Variants in RNF150 observed in about 807,000 individuals in gnomAD.
The protein encoded by RNF150 is ring finger protein 150.
In RNF150, 24 loss-of-function variants were observed where a neutral mutation model predicts 39.3. That is an observed-to-expected ratio of 0.61 (90% confidence interval 0.44 to 0.86). The LOEUF (loss-of-function observed/expected upper bound fraction) is 0.86. Ranked by LOEUF, RNF150 falls within the 40% of genes least tolerant of loss-of-function variation. RNF150 has a pLI of 0.00. For synonymous variants in RNF150, 255 were observed against 227.3 expected, an observed-to-expected ratio of 1.12 and a Z score of -1.10; for missense variants, 502 against 587.8, an observed-to-expected ratio of 0.85 and a Z score of 1.51.
At chr4:141,044,771 G>GCACACACA (rs71584391) in intron 1 of RNF150, among the ~76,000 whole-genome samples, 684 of 146,640 alleles carry the variant, frequency 4.7e-3, no homozygotes, top group East Asian at 0.022. Flanking sequence ...GGTGTGCAGC[G>GCACACACA]CACACACACA....
chr4:140,986,595 T>A (rs1270416715), intron 1 of RNF150, among the ~76,000 whole-genome samples: 1 of 152,036 alleles, frequency 6.6e-6, no homozygotes, highest in African/African-American at 2.4e-5. Flanking sequence ...GTTTATCAAT[T>A]TTAGACATTT....
intron 6 of RNF150, among the ~76,000 whole-genome samples, chr4:140,890,450 A>G (rs55688021): frequency 0.025 from 3,875 of 152,288 alleles, 62 homozygotes; most frequent in South Asian, 0.051. Flanking sequence ...TGTTCCCCCA[A>G]ATTCATATGT....
At chr4:141,024,234 T>C (rs1164308229) in intron 1 of RNF150, among the ~76,000 whole-genome samples, 5 of 152,078 alleles carry the variant, frequency 3.3e-5, no homozygotes, top group Non-Finnish European at 5.9e-5. Context: ...CACAGTGAAA[T>C]ACTGAATGAG....
intron 4 of RNF150, among the ~76,000 whole-genome samples, chr4:140,942,364 C>T (rs1732122269): frequency 6.6e-6 from 1 of 152,190 alleles, no homozygotes; most frequent in Non-Finnish European, 1.5e-5. Flanking sequence ...CAGTGCTGCT[C>T]TCTAATGCTG....
intron 5 of RNF150, among the ~76,000 whole-genome samples, chr4:140,919,632 A>G (rs1036347776): frequency 2.7e-5 from 4 of 150,410 alleles, no homozygotes; most frequent in Non-Finnish European, 5.9e-5. Flanking sequence ...TATAGATTCA[A>G]TGCCATCCCC....
chr4:140,870,931 C>T (rs1168632533), intron 6 of RNF150, among the ~76,000 whole-genome samples: 1 of 151,712 alleles, frequency 6.6e-6, no homozygotes, highest in African/African-American at 2.4e-5. Flanking sequence ...ATGGCAGGTC[C>T]ACTCTTTTTA....
At chr4:141,045,629 C>T (rs1017312657) in intron 1 of RNF150, among the ~76,000 whole-genome samples, 1 of 151,938 alleles carries the variant, frequency 6.6e-6, no homozygotes, top group Non-Finnish European at 1.5e-5. Flanking sequence ...CTGAAACCTC[C>T]GCCTCCCGGT....
chr4:141,179,429 A>G (rs886984841), intron 1 of RNF150, among the ~76,000 whole-genome samples: 1 of 152,260 alleles, frequency 6.6e-6, no homozygotes, highest in Non-Finnish European at 1.5e-5. Context: ...ATTTGATTGT[A>G]TAAATATTCT....
chr4:141,179,014 T>C (rs747968292), intron 1 of RNF150, among the ~76,000 whole-genome samples: 6 of 152,128 alleles, frequency 3.9e-5, no homozygotes, highest in African/African-American at 1.2e-4. Context: ...CATTTTTCTC[T>C]CTTAGGACCC....
At chr4:141,104,225 ATG>A (rs1739120378) in intron 1 of RNF150, among the ~76,000 whole-genome samples, 1 of 152,170 alleles carries the variant, frequency 6.6e-6, no homozygotes, top group Non-Finnish European at 1.5e-5. Context: ...GATGACTCCA[ATG>A]TATTAGAGCT....
chr4:140,924,535 T>C (rs11930778), intron 5 of RNF150, among the ~76,000 whole-genome samples: 11,784 of 151,774 alleles, frequency 0.078, 519 homozygotes, highest in Middle Eastern at 0.11. Flanking sequence ...CTCTGTCTCA[T>C]TGTGAGAACT....
chr4:140,903,427 C>T (rs943701336), intron 6 of RNF150, among the ~76,000 whole-genome samples: 5 of 152,140 alleles, frequency 3.3e-5, no homozygotes, highest in African/African-American at 1.2e-4. Flanking sequence ...AATGATGGCA[C>T]TTCCCCATGA....
rs1045891129 is a variant in RNF150 at position 140,884,597 on chromosome 4, T to C, written c.1199-16218A>G. Among the ~76,000 whole-genome samples the C allele has an allele frequency of 3.9e-5, 6 of 152,210 alleles. No homozygotes were observed. In the East Asian group the frequency reaches 1.2e-3, roughly 29 times the overall value. On this transcript the variant is annotated intron_variant, in intron 6 of 6. Coordinates refer to ENST00000515673, the MANE Select transcript of RNF150 (RefSeq NM_020724.2). ...CCAGTGTCTGCATCACTGAAGCCTT[T>C]CTGGTGCTTTGTAGCAAGCTGTGGT...
At position 140,958,961 on chromosome 4, in the gene RNF150, C is replaced by T. The variant is rs77163379; in HGVS notation, c.735+8662G>A. On this transcript the variant is annotated intron_variant, in intron 2 of 6. Coordinates refer to ENST00000515673, the MANE Select transcript of RNF150 (RefSeq NM_020724.2). ...AACTTCTCTTTCCATGCCATCAGGG[C>T]TTCTACCAGTGCCCTGCTATTTTAA... Among the ~76,000 whole-genome samples, 1,505 of 152,230 alleles carry T rather than the reference C, an allele frequency of 9.9e-3. 26 individuals carry two copies. Among genetic ancestry groups the T allele is most frequent in the African/African-American group, 0.032 (1,326 of 41,522 alleles).
intron 1 of RNF150, among the ~76,000 whole-genome samples, chr4:141,114,686 C>A (rs1739492428): frequency 6.6e-6 from 1 of 152,102 alleles, no homozygotes; most frequent in Admixed American, 6.5e-5. Flanking sequence ...GGCAGAGACA[C>A]AACAAAAAGA....
intron 1 of RNF150, among the ~76,000 whole-genome samples, chr4:141,082,571 G>A (rs2110983246): frequency 1.3e-5 from 2 of 151,308 alleles, no homozygotes; most frequent in Middle Eastern, 6.8e-3. Context: ...AGAAATACAG[G>A]ATGAAATTAT....
intron 1 of RNF150, among the ~76,000 whole-genome samples, chr4:140,993,496 G>A (rs1028233545): frequency 6.6e-6 from 1 of 152,170 alleles, no homozygotes; most frequent in Non-Finnish European, 1.5e-5. Context: ...CAATTATTCT[G>A]CCTCCCATAG....
At chr4:141,207,946 G>C (rs1728399791) in intron 1 of RNF150, among the ~76,000 whole-genome samples, 1 of 150,156 alleles carries the variant, frequency 6.7e-6, no homozygotes, top group Admixed American at 6.7e-5. Context: ...AACATACTAG[G>C]CACTTTATAA....
chr4:140,962,957 A>T (rs909251161), intron 2 of RNF150, among the ~76,000 whole-genome samples: 22 of 152,106 alleles, frequency 1.4e-4, no homozygotes, highest in African/African-American at 4.8e-4. Flanking sequence ...TAAAACATAC[A>T]TGGATATGTT....
Sources: gnomAD v4.1 joint callset for allele counts (sites outside exome capture counted in the v4.1 genomes callset) on GRCh38, gnomAD v4.1.1 for gene constraint, MANE v1.5 for transcripts, NCBI Gene and HGNC (gene_info 2026-07-23, HGNC 2026-07-21) for gene names.